The following CHCHD7 variants were observed in gnomAD, a reference collection of about 807,000 sequenced individuals.
CHCHD7 encodes the protein coiled-coil-helix-coiled-coil-helix domain-containing protein 7.
In CHCHD7, 7 loss-of-function variants were observed where a neutral mutation model predicts 10.5. The observed-to-expected ratio is 0.67, with a 90% CI of 0.38 to 1.25. The LOEUF (loss-of-function observed/expected upper bound fraction) is 1.25. CHCHD7 is among the 50% of genes most tolerant of loss of function. The probability of loss-of-function intolerance (pLI) is 0.02; values close to 1 mark genes in which losing one functional copy is unlikely to be tolerated. For missense variants in CHCHD7, 100 were observed against 104.5 expected (o/e 0.96, Z 0.19); for synonymous variants, 40 against 36.0 (o/e 1.11, Z -0.40).
At position 56,217,505 on chromosome 8, in the gene CHCHD7, A is replaced by T. The variant is rs963935742; in HGVS notation, c.*70A>T. ...ATTTCTAATAAATGATTGCTGTAAT[A>T]TTTAAGACTGTACACCCCTCACCCA... On this transcript the variant is annotated 3_prime_UTR_variant, in exon 4 of 4. Transcript: ENST00000355315. 14 of 970,972 alleles carry T rather than the reference A, an allele frequency of 1.4e-5. No individual in the cohort carries two copies. Among genetic ancestry groups the T allele is most frequent in the Non-Finnish European group, 2.1e-5 (13 of 614,696 alleles). The allele number at this position is 970,972 out of a possible 1,614,324, so 60.1% of individuals were successfully genotyped here.
rs371042795 is a variant in CHCHD7 at position 56,214,621 on chromosome 8, C to T, written c.8C>T (p.Ser3Leu). 7 of 1,612,954 alleles carry T rather than the reference C, an allele frequency of 4.3e-6. No individual in the cohort carries two copies. Among genetic ancestry groups the T allele is most frequent in the African/African-American group, 4.0e-5 (3 of 74,834 alleles). Residue 3 changes from serine to leucine, a missense_variant, in exon 2 of 4, where the codon TCG becomes TTG. By Grantham distance (145) the Ser-to-Leu change is moderately radical (BLOSUM62 -2). Transcript: ENST00000355315. MP[S>L]VTQRLRDPDI... is the part of the protein sequence containing the mutation. ...AGTAAGAAGACTGTTAGAATGCCCT[C>T]GGTAACACAGAGGCTGAGAGATCCT...
chr8:56,213,053 C>T (rs1813111943), intron 1 of CHCHD7: 2 of 533,646 alleles, frequency 3.7e-6, no homozygotes, highest in East Asian at 3.0e-5. Flanking sequence ...GTTCTGTGTT[C>T]TCACATCATA....
rs1813444285 is a variant in CHCHD7 at position 56,217,758 on chromosome 8, G to A, written c.*323G>A. 3.9e-6 allele frequency: 1 copy of A among 254,836 alleles called. No individual in the cohort carries two copies. The highest frequency in any genetic ancestry group is 5.8e-5 in the East Asian group (1 of 17,304). The allele number at this position is 254,836 out of a possible 1,614,324, so 15.8% of individuals were successfully genotyped here. A position where few individuals can be genotyped will look rare whatever the true frequency, so the allele number is the denominator to read the frequency against. ...ACAAGTAAAGACTGAATGGGGCTGAGATGAAGGCAATGTTTCCAAGGAAAG... is the reference window on the plus strand; with the variant it reads ...ACAAGTAAAGACTGAATGGGGCTGAAATGAAGGCAATGTTTCCAAGGAAAG... On this transcript the variant is annotated 3_prime_UTR_variant, in exon 4 of 4. Coordinates refer to ENST00000355315, the MANE Select transcript of CHCHD7 (RefSeq NM_001011671.3).
intron 1 of CHCHD7, chr8:56,213,070 G>A (rs1813113813): frequency 2.3e-6 from 1 of 442,686 alleles, no homozygotes; most frequent in East Asian, 3.4e-5. Context: ...CATAGGATAG[G>A]TGTAAAAAAG....
intron 1 of CHCHD7, chr8:56,212,698 GCA>G (rs1329887744): frequency 2.3e-5 from 14 of 613,166 alleles, no homozygotes; most frequent in Non-Finnish European, 4.1e-5. Context: ...CTTTAGCGGA[GCA>G]CTCGATGTTG....
At chr8:56,214,762 A>G in intron 2 of CHCHD7, 95 bp downstream of exon 2, 1 of 866,248 alleles carries the variant, frequency 1.2e-6, no homozygotes, top group Non-Finnish European at 1.9e-6. Context: ...TGTTGAATAA[A>G]GTTATTTCTC....
chr8:56,216,018 T>C (rs1813323909), intron 2 of CHCHD7, among the ~76,000 whole-genome samples: 1 of 152,222 alleles, frequency 6.6e-6, no homozygotes, highest in South Asian at 2.1e-4. Flanking sequence ...ACCAATATTA[T>C]GATCAAACAT....
At chr8:56,212,020 G>C (rs1254220702) in intron 1 of CHCHD7, 183 bp downstream of exon 1, 1 of 152,824 alleles carries the variant, frequency 6.5e-6, no homozygotes, top group Admixed American at 6.5e-5. Context: ...TGTTCGCTCC[G>C]GGGGCGAGGA....
At chr8:56,213,043 G>C in intron 1 of CHCHD7, 1 of 561,176 alleles carries the variant, frequency 1.8e-6, no homozygotes, top group South Asian at 2.7e-5. Flanking sequence ...TGTATGAAGA[G>C]TTCTGTGTTC....
At chr8:56,216,698 A>C in intron 3 of CHCHD7, 167 bp downstream of exon 3, 5 of 757,660 alleles carry the variant, frequency 6.6e-6, no homozygotes, top group Non-Finnish European at 9.3e-6. Context: ...GATCCTTGAG[A>C]GCTCTTGTTA....
At chr8:56,216,026 C>G (rs1464009751) in intron 2 of CHCHD7, among the ~76,000 whole-genome samples, 1 of 152,196 alleles carries the variant, frequency 6.6e-6, no homozygotes, top group Non-Finnish European at 1.5e-5. Context: ...TATGATCAAA[C>G]ATTGAAGCCA....
At position 56,211,816 on chromosome 8, in the gene CHCHD7, G is replaced by C. The variant is rs950437563; in HGVS notation, c.-38G>C. The C allele has an allele frequency of 6.5e-6, 1 of 152,984 alleles. No individual in the cohort carries two copies. The allele number at this position is 152,984 out of a possible 1,614,324, so 9.5% of individuals were successfully genotyped here. A position where few individuals can be genotyped will look rare whatever the true frequency, so the allele number is the denominator to read the frequency against. ...GTTTGGAGCTGGAGACGGCCTGGGT[G>C]CTGGCGAAGCGGAGGCCGGAGGTGA... On this transcript the variant is annotated 5_prime_UTR_variant, in exon 1 of 4. Transcript: ENST00000355315.
At chr8:56,213,005 A>G (rs112617677) in intron 1 of CHCHD7, 1 of 723,514 alleles carries the variant, frequency 1.4e-6, no homozygotes, top group Non-Finnish European at 2.4e-6. Context: ...AGGTTGTCTG[A>G]TCCTTGTTGA....
chr8:56,214,454 C>T, intron 1 of CHCHD7, 144 bp from the exon 2 acceptor site: 1 of 540,574 alleles, frequency 1.8e-6, no homozygotes, highest in Non-Finnish European at 3.3e-6. Context: ...TTTTTATTCA[C>T]AAAGTACAGA....
Position 56,218,028 on chromosome 8 carries a change from G to A in CHCHD7, c.*593G>A. The A allele has an allele frequency of 4.4e-6, 1 of 229,142 alleles. No homozygotes were observed. The highest frequency in any genetic ancestry group is 1.8e-4 in the South Asian group (1 of 5,496). 14.2% of individuals were successfully genotyped at this position (229,142 alleles called of 1,614,324 possible). A position where few individuals can be genotyped will look rare whatever the true frequency, so the allele number is the denominator to read the frequency against. On this transcript the variant is annotated 3_prime_UTR_variant, in exon 4 of 4. Transcript: ENST00000355315. The stretch of plus-strand genomic sequence containing the variant: ...TAGTACATTCACTAGGGGCAAATGG[G>A]TTTTTCTAAATAAATGACATAAAAA...
chr8:56,216,710 C>G (rs773108353), intron 3 of CHCHD7, 179 bp downstream of exon 3: 1 of 744,580 alleles, frequency 1.3e-6, no homozygotes, highest in South Asian at 1.5e-5. Flanking sequence ...CTCTTGTTAG[C>G]TGCCTCGTCG....
intron 3 of CHCHD7, chr8:56,216,967 T>C: frequency 2.3e-6 from 1 of 435,992 alleles, no homozygotes; most frequent in Non-Finnish European, 4.2e-6. Flanking sequence ...TTCTGTTTCC[T>C]TGAACCACGG....
At chr8:56,217,261 G>A (rs1813402836) in intron 3 of CHCHD7, 70 bp from the exon 4 acceptor site, 1 of 851,680 alleles carries the variant, frequency 1.2e-6, no homozygotes, top group African/African-American at 1.8e-5. Context: ...GCAAATTACT[G>A]GCAAATGATT....
At chr8:56,216,683 T>G in intron 3 of CHCHD7, 152 bp downstream of exon 3, 1 of 832,338 alleles carries the variant, frequency 1.2e-6, no homozygotes, top group Non-Finnish European at 2.0e-6. Flanking sequence ...ACTTTAGCCG[T>G]GAAAGATCCT....
Sources: allele counts gnomAD v4.1 joint callset (sites outside exome capture counted in the v4.1 genomes callset), GRCh38; gene constraint gnomAD v4.1.1; transcripts MANE v1.5; gene names NCBI Gene and HGNC (gene_info 2026-07-23, HGNC 2026-07-21).